SLC39A11: variants seen among roughly 807,000 people sequenced by gnomAD.
SLC39A11 encodes solute carrier family 39 member 11, also known as zinc transporter ZIP11.
In SLC39A11, 33 loss-of-function variants were observed where a neutral mutation model predicts 36.1. The observed-to-expected ratio is 0.91, with a 90% confidence interval of 0.69 to 1.22. SLC39A11 has a LOEUF of 1.22. SLC39A11 is among the 50% of genes most tolerant of loss of function. SLC39A11 has a pLI of 0.00. For missense variants in SLC39A11, 432 were observed against 430.3 expected (o/e 1.00, Z -0.03); for synonymous variants, 166 against 170.3 (o/e 0.97, Z 0.20).
At chr17:72,902,746 T>C (rs2082456225) in intron 5 of SLC39A11, among the ~76,000 whole-genome samples, 1 of 151,980 alleles carries the variant, frequency 6.6e-6, no homozygotes, top group Non-Finnish European at 1.5e-5. Flanking sequence ...GTAAACCAGG[T>C]GTACAATTAG....
intron 6 of SLC39A11, among the ~76,000 whole-genome samples, chr17:72,837,360 C>CA (rs34639176): frequency 0.41 from 37,013 of 90,962 alleles, 6,991 homozygotes; most frequent in East Asian, 0.68. Context: ...GTATATTGCT[C>CA]AAAAAAAAAA....
chr17:72,949,978 CA>C (rs2147770570), intron 4 of SLC39A11, among the ~76,000 whole-genome samples: 1 of 150,410 alleles, frequency 6.6e-6, no homozygotes, highest in Non-Finnish European at 1.5e-5. Context: ...CACACACACA[CA>C]CACACACACA....
chr17:72,687,723 T>C (rs1415693755), intron 7 of SLC39A11, among the ~76,000 whole-genome samples: 1 of 152,132 alleles, frequency 6.6e-6, no homozygotes, highest in Non-Finnish European at 1.5e-5. Flanking sequence ...ATCATGCTAA[T>C]AGTGTTGAAG....
At chr17:72,843,208 G>A (rs1005310716) in intron 6 of SLC39A11, among the ~76,000 whole-genome samples, 3 of 151,934 alleles carry the variant, frequency 2.0e-5, no homozygotes, top group African/African-American at 7.3e-5. Context: ...TCAGCCTCCC[G>A]AAGTGCTGGG....
chr17:72,681,899 C>T lies in SLC39A11; in HGVS notation c.672-32631G>A, dbSNP rs574495556. ...TATATAACAGGGGTCCCCAGCCCCT[C>T]GGCCACAGACCTGACCTGGTCCATG... On this transcript the variant is annotated intron_variant, in intron 7 of 9. Transcript: ENST00000255559. Among the ~76,000 whole-genome samples the T allele has an allele frequency of 7.2e-5, 11 of 152,338 alleles. No homozygotes were observed. The South Asian group carries it at 1.2e-3, about 17-fold the overall frequency.
chr17:73,021,674 G>A (rs2058357541), intron 4 of SLC39A11, among the ~76,000 whole-genome samples: 1 of 152,034 alleles, frequency 6.6e-6, no homozygotes, highest in Non-Finnish European at 1.5e-5. Context: ...CTCGGCTATC[G>A]ACTGGTTCAA....
intron 4 of SLC39A11, among the ~76,000 whole-genome samples, chr17:72,960,346 CATAG>C (rs1476853493): frequency 6.6e-5 from 10 of 152,118 alleles, no homozygotes; most frequent in Admixed American, 4.6e-4. Flanking sequence ...TAGCATTTAT[CATAG>C]ATAGATGGAT....
intron 4 of SLC39A11, among the ~76,000 whole-genome samples, chr17:72,972,902 G>T (rs1335326439): frequency 1.3e-5 from 2 of 151,976 alleles, no homozygotes; most frequent in African/African-American, 2.4e-5. Context: ...AATTTGTCCA[G>T]GTCTCAAAAA....
chr17:72,710,019 T>C (rs1053669582), intron 7 of SLC39A11, among the ~76,000 whole-genome samples: 4 of 152,234 alleles, frequency 2.6e-5, no homozygotes, highest in Non-Finnish European at 5.9e-5. Flanking sequence ...ATCTGGTTGC[T>C]CTTTGAGGAA....
chr17:72,855,613 G>C (rs1472799829), intron 5 of SLC39A11, among the ~76,000 whole-genome samples: 1 of 151,874 alleles, frequency 6.6e-6, no homozygotes, highest in African/African-American at 2.4e-5. Flanking sequence ...AAGCAGAATA[G>C]AGGCCGGGTG....
chr17:73,019,764 C>T (rs2058281674), intron 4 of SLC39A11, among the ~76,000 whole-genome samples: 1 of 152,024 alleles, frequency 6.6e-6, no homozygotes, highest in Admixed American at 6.6e-5. Flanking sequence ...TAGTCACGGA[C>T]CCAATCACAT....
At chr17:72,984,301 T>C (rs2088551614) in intron 4 of SLC39A11, among the ~76,000 whole-genome samples, 1 of 151,078 alleles carries the variant, frequency 6.6e-6, no homozygotes, top group Non-Finnish European at 1.5e-5. Flanking sequence ...GAAGTAGCCA[T>C]GAGACCTGAA....
chr17:72,962,193 A>T lies in SLC39A11; in HGVS notation c.307-14318T>A, dbSNP rs543464828. On this transcript the variant is annotated intron_variant, in intron 4 of 9. Transcript: ENST00000255559. Reference sequence around the variant, plus strand: ...AATTCCAAAGCAAATAACCAAATTGAGACATACACCATGCCTGGATAAGAT... The same window carrying T: ...AATTCCAAAGCAAATAACCAAATTGTGACATACACCATGCCTGGATAAGAT... Among the ~76,000 whole-genome samples, 74 of 152,290 alleles carry T rather than the reference A, an allele frequency of 4.9e-4. 3 individuals carry two copies. The South Asian group carries it at 9.5e-3, about 20-fold the overall frequency.
intron 4 of SLC39A11, among the ~76,000 whole-genome samples, chr17:73,029,949 T>C (rs2058686062): frequency 6.6e-6 from 1 of 152,098 alleles, no homozygotes. Context: ...CCAACCTTTT[T>C]GGCACCAAGG....
intron 6 of SLC39A11, among the ~76,000 whole-genome samples, chr17:72,752,643 T>G (rs1016665442): frequency 6.6e-6 from 1 of 152,188 alleles, no homozygotes; most frequent in Non-Finnish European, 1.5e-5. Flanking sequence ...TCCTCCTGCC[T>G]TGGCCTCCCA....
At chr17:72,711,336 G>A (rs572118093) in intron 7 of SLC39A11, among the ~76,000 whole-genome samples, 11 of 152,104 alleles carry the variant, frequency 7.2e-5, no homozygotes, top group Non-Finnish European at 1.5e-4. Context: ...TGCAACTTCC[G>A]GACAGGTCCT....
chr17:72,852,235 G>T (rs915719254), intron 5 of SLC39A11, among the ~76,000 whole-genome samples: 11 of 103,706 alleles, frequency 1.1e-4, no homozygotes, highest in African/African-American at 3.4e-4. Context: ...AAAACAGAAA[G>T]AAAGAAAGAA....
intron 5 of SLC39A11, among the ~76,000 whole-genome samples, chr17:72,863,348 G>C (rs2080139634): frequency 6.6e-6 from 1 of 151,994 alleles, no homozygotes; most frequent in African/African-American, 2.4e-5. Flanking sequence ...CAACACAAGA[G>C]CAAGTGTCAG....
chr17:72,648,994 G>T, intron 8 of SLC39A11, 33 bp from the exon 9 acceptor site: 1 of 1,594,818 alleles, frequency 6.3e-7, no homozygotes, highest in Non-Finnish European at 8.5e-7. Context: ...TACCACCGCA[G>T]GGGGAGGCAA....
Sources: allele counts gnomAD v4.1 joint callset (sites outside exome capture counted in the v4.1 genomes callset), GRCh38; gene constraint gnomAD v4.1.1; transcripts MANE v1.5; gene names NCBI Gene and HGNC (gene_info 2026-07-23, HGNC 2026-07-21).